GRIK2: variants seen among roughly 807,000 people sequenced by gnomAD.
GRIK2 encodes glutamate ionotropic receptor kainate type subunit 2.
Under a neutral mutation model 100.3 loss-of-function variants are expected in GRIK2, and 32 were observed. The observed-to-expected ratio is 0.32, with a 90% CI of 0.24 to 0.43. The LOEUF is 0.43. GRIK2 is among the 20% of genes least tolerant of loss of function. The probability of loss-of-function intolerance (pLI) is 1.00; values close to 1 mark genes in which losing one functional copy is unlikely to be tolerated. For missense variants in GRIK2, 843 were observed against 1,114.9 expected, an observed-to-expected ratio of 0.76 and a Z score of 3.47; for synonymous variants, 417 against 389.4, an observed-to-expected ratio of 1.07 and a Z score of -0.83.
intron 2 of GRIK2, among the ~76,000 whole-genome samples, chr6:101,590,460 C>T (rs1004112252): frequency 2.6e-5 from 4 of 152,020 alleles, no homozygotes; most frequent in Non-Finnish European, 4.4e-5. Context: ...AGTGTGTTCT[C>T]CAACCCCTGG....
chr6:101,492,830 C>T (rs1468438223), intron 2 of GRIK2, among the ~76,000 whole-genome samples: 2 of 151,902 alleles, frequency 1.3e-5, no homozygotes. Context: ...CAGACCTTCG[C>T]AGACTGTGAC....
chr6:101,717,721 C>A (rs920858721), intron 7 of GRIK2, among the ~76,000 whole-genome samples: 4 of 151,736 alleles, frequency 2.6e-5, no homozygotes, highest in South Asian at 4.1e-4. Context: ...GAACATGTAA[C>A]TACCTGAAGT....
At chr6:101,945,250 T>C (rs1164782575) in intron 14 of GRIK2, among the ~76,000 whole-genome samples, 1 of 152,130 alleles carries the variant, frequency 6.6e-6, no homozygotes, top group Non-Finnish European at 1.5e-5. Flanking sequence ...TGAATTGAGA[T>C]ATGTTTTCAG....
At chr6:101,687,696 T>C (rs1473746580) in intron 7 of GRIK2, among the ~76,000 whole-genome samples, 1 of 151,832 alleles carries the variant, frequency 6.6e-6, no homozygotes, top group Non-Finnish European at 1.5e-5. Flanking sequence ...GTGAGAAAAA[T>C]CACCTACTAG....
At chr6:101,890,609 A>G (rs1217399394) in intron 12 of GRIK2, among the ~76,000 whole-genome samples, 1 of 152,084 alleles carries the variant, frequency 6.6e-6, no homozygotes, top group Admixed American at 6.5e-5. Context: ...TGAAAAATAT[A>G]TAAATTTTAT....
chr6:101,855,455 G>A (rs528792499), intron 10 of GRIK2, among the ~76,000 whole-genome samples: 1 of 152,218 alleles, frequency 6.6e-6, no homozygotes, highest in South Asian at 2.1e-4. Flanking sequence ...CTTTGAAGTG[G>A]TGAATCTTGA....
At chr6:101,779,164 G>GT (rs974387890) in intron 7 of GRIK2, among the ~76,000 whole-genome samples, 18 of 151,660 alleles carry the variant, frequency 1.2e-4, no homozygotes, top group Middle Eastern at 3.4e-3. Context: ...AGATTTTACT[G>GT]TTTTTTTTAA....
At chr6:101,918,746 C>T (rs1009671159) in intron 12 of GRIK2, among the ~76,000 whole-genome samples, 28 of 151,618 alleles carry the variant, frequency 1.8e-4, no homozygotes, top group Admixed American at 6.6e-5. Context: ...TCTATTATGC[C>T]TCTTTTAGGC....
intron 10 of GRIK2, among the ~76,000 whole-genome samples, chr6:101,854,145 GGATGTT>G (rs1784290159): frequency 6.6e-6 from 1 of 152,136 alleles, no homozygotes; most frequent in African/African-American, 2.4e-5. Flanking sequence ...ATTTGGTGCT[GGATGTT>G]GATAGTAGGG....
chr6:101,423,377 T>G (rs1335092509), intron 2 of GRIK2, among the ~76,000 whole-genome samples: 1 of 152,186 alleles, frequency 6.6e-6, no homozygotes, highest in Non-Finnish European at 1.5e-5. Context: ...TTCCCTCGTG[T>G]TTTCCATAGC....
chr6:101,609,557 G>T (rs1779581481), intron 2 of GRIK2, among the ~76,000 whole-genome samples: 1 of 151,754 alleles, frequency 6.6e-6, no homozygotes, highest in Admixed American at 6.6e-5. Flanking sequence ...GAAAATAATG[G>T]CCATTTGATC....
At chr6:101,498,285 G>C (rs1050238036) in intron 2 of GRIK2, among the ~76,000 whole-genome samples, 5 of 151,646 alleles carry the variant, frequency 3.3e-5, no homozygotes, top group Non-Finnish European at 7.4e-5. Context: ...CATTTGGGTT[G>C]GTTCCAAGTC....
At chr6:101,910,316 A>T (rs1340285) in intron 12 of GRIK2, among the ~76,000 whole-genome samples, 3,936 of 151,052 alleles carry the variant, frequency 0.026, 172 homozygotes, top group African/African-American at 0.091. Context: ...ATATGGCCCA[A>T]GTGACTGGGG....
intron 9 of GRIK2, among the ~76,000 whole-genome samples, chr6:101,807,835 T>C (rs1450894784): frequency 6.6e-6 from 1 of 152,042 alleles, no homozygotes; most frequent in African/African-American, 2.4e-5. Context: ...GGTCATAGTT[T>C]GTCATCACAC....
At chr6:102,006,582 G>A (rs1014284753) in intron 14 of GRIK2, among the ~76,000 whole-genome samples, 1 of 151,552 alleles carries the variant, frequency 6.6e-6, no homozygotes, top group African/African-American at 2.4e-5. Flanking sequence ...TGCCCAAGCT[G>A]GTTCCAAACA....
chr6:101,797,268 C>G (rs1308564360), intron 7 of GRIK2, among the ~76,000 whole-genome samples: 1 of 147,950 alleles, frequency 6.8e-6, no homozygotes, highest in African/African-American at 2.5e-5. Context: ...AAAAATTTTA[C>G]TCATGATTAA....
chr6:101,415,432 G>A (rs1776091610), intron 2 of GRIK2, among the ~76,000 whole-genome samples: 1 of 145,814 alleles, frequency 6.9e-6, no homozygotes, highest in African/African-American at 2.6e-5. Flanking sequence ...GTGCAGTGGC[G>A]CGATCTCGGC....
chr6:101,908,756 A>G (rs1788422005), intron 12 of GRIK2, among the ~76,000 whole-genome samples: 1 of 149,590 alleles, frequency 6.7e-6, no homozygotes, highest in East Asian at 2.0e-4. Flanking sequence ...ATGAAAAGAC[A>G]GATAAGATAG....
At chr6:101,948,146 A>G (rs553581231) in intron 14 of GRIK2, among the ~76,000 whole-genome samples, 1 of 152,228 alleles carries the variant, frequency 6.6e-6, no homozygotes, top group South Asian at 2.1e-4. Flanking sequence ...AGTTTTACAA[A>G]TACATTATTT....
Sources: allele counts gnomAD v4.1 joint callset (sites outside exome capture counted in the v4.1 genomes callset), GRCh38; gene constraint gnomAD v4.1.1; transcripts MANE v1.5; gene names NCBI Gene and HGNC (gene_info 2026-07-23, HGNC 2026-07-21).